SORCS2: variants seen among roughly 807,000 people sequenced by gnomAD.
SORCS2 encodes sortilin related VPS10 domain containing receptor 2.
Under a neutral mutation model 141.6 loss-of-function variants are expected in SORCS2, and 100 were observed. That is an observed-to-expected ratio of 0.71 (90% CI 0.60 to 0.83). The LOEUF (loss-of-function observed/expected upper bound fraction) is 0.83, where lower values mean the gene tolerates loss of function less well. SORCS2 is among the 40% of genes least tolerant of loss of function. The pLI is 0.00. For missense variants in SORCS2, 1,646 were observed against 1,560.2 expected, an observed-to-expected ratio of 1.05 and a Z score of -0.93; for synonymous variants, 789 against 676.9, an observed-to-expected ratio of 1.17 and a Z score of -2.57.
chr4:7,384,113 C>T (rs994595045), intron 1 of SORCS2, among the ~76,000 whole-genome samples: 1 of 152,182 alleles, frequency 6.6e-6, no homozygotes, highest in Admixed American at 6.5e-5. Flanking sequence ...CTTCTTCCTC[C>T]CACAGTCCCT....
intron 3 of SORCS2, among the ~76,000 whole-genome samples, chr4:7,584,389 TA>T (rs1209486725): frequency 6.6e-6 from 1 of 152,114 alleles, no homozygotes; most frequent in Non-Finnish European, 1.5e-5. Context: ...AGAGTACATT[TA>T]AGAAAAAGTT....
intron 18 of SORCS2, among the ~76,000 whole-genome samples, chr4:7,719,451 G>T (rs1726425441): frequency 6.6e-6 from 1 of 152,220 alleles, no homozygotes; most frequent in Non-Finnish European, 1.5e-5. Flanking sequence ...AGGCCACACG[G>T]GAATGAGTGG....
Position 7,252,093 on chromosome 4 carries a change from T to G in SORCS2, c.480+58967T>G, listed in dbSNP as rs543987152. On this transcript the variant is annotated intron_variant, in intron 1 of 26. Coordinates refer to ENST00000507866, the MANE Select transcript of SORCS2 (RefSeq NM_020777.3). ...TCACTCAACTCCCTGACCCCTGCAG[T>G]ACCACCCTCAGCAGTGAGCCCCTCA... Among the ~76,000 whole-genome samples the G allele has an allele frequency of 2.0e-5, 3 of 152,326 alleles. No homozygotes were observed. In the East Asian group the frequency reaches 5.8e-4, roughly 29 times the overall value.
chr4:7,340,413 A>G (rs73208501), intron 1 of SORCS2, among the ~76,000 whole-genome samples: 24,449 of 152,256 alleles, frequency 0.16, 2,186 homozygotes, highest in Non-Finnish European at 0.2. Flanking sequence ...TCACCATAGC[A>G]GGGCAGAGCC....
intron 2 of SORCS2, among the ~76,000 whole-genome samples, chr4:7,410,025 A>G (rs995592055): frequency 9.2e-5 from 14 of 152,230 alleles, no homozygotes; most frequent in Non-Finnish European, 1.6e-4. Flanking sequence ...ACGCTCACTG[A>G]TATAAAGAAG....
chr4:7,574,297 C>T (rs13144333), intron 3 of SORCS2, among the ~76,000 whole-genome samples: 40,248 of 152,128 alleles, frequency 0.26, 5,508 homozygotes, highest in Non-Finnish European at 0.31. Context: ...GACTGGCTTC[C>T]CCTGTCACAG....
At chr4:7,692,461 C>T (rs538181876) in intron 11 of SORCS2, among the ~76,000 whole-genome samples, 1 of 152,240 alleles carries the variant, frequency 6.6e-6, no homozygotes, top group African/African-American at 2.4e-5. Flanking sequence ...AAAACCTCCA[C>T]TGTAAGGATG....
rs1458389704 is a variant in SORCS2, at chr4:7,194,601, G to A, written c.480+1475G>A. On this transcript the variant is annotated intron_variant, in intron 1 of 26. Coordinates refer to ENST00000507866, the MANE Select transcript of SORCS2 (RefSeq NM_020777.3). ...AGAGCTGGCTCCCTGGGTGCAGTGG[G>A]CCAGCAGGGGGCAGTCAGGGTGCCG... Among the ~76,000 whole-genome samples the A allele has an allele frequency of 3.3e-5, 5 of 152,098 alleles. No individual in the cohort carries two copies. In the East Asian group the frequency reaches 9.7e-4, roughly 29 times the overall value.
At position 7,697,236 on chromosome 4, in the gene SORCS2, A is replaced by T. The variant is rs1251160648; in HGVS notation, c.1630A>T (p.Met544Leu). Reference protein sequence around the residue: ...GSQLVEYKEEMYITSDCGHTW... With the variant: ...GSQLVEYKEELYITSDCGHTW... ...ACAGCTGGTGGAATATAAAGAAGAA[A>T]TGTACATCACGTCAGACTGTGGTCA... is the stretch of plus-strand genomic sequence containing the variant. The change falls in exon 12 of 27, where the codon ATG (methionine) becomes TTG (leucine). Residue 544 changes from methionine (M) to leucine (L), a missense_variant. Transcript: ENST00000507866. The T allele has an allele frequency of 8.8e-6, 14 of 1,591,788 alleles. No individual in the cohort carries two copies. The South Asian group carries it at 1.5e-4, about 17-fold the overall frequency.
intron 1 of SORCS2, among the ~76,000 whole-genome samples, chr4:7,354,260 C>A (rs1721118072): frequency 6.6e-6 from 1 of 152,298 alleles, no homozygotes; most frequent in Admixed American, 6.5e-5. Flanking sequence ...GACACACTCA[C>A]CTCAATGTGA....
At chr4:7,587,771 C>G (rs973336224) in intron 3 of SORCS2, among the ~76,000 whole-genome samples, 2 of 152,212 alleles carry the variant, frequency 1.3e-5, no homozygotes, top group Admixed American at 6.5e-5. Context: ...TGTTTGCCCC[C>G]TCTTTCCAGC....
chr4:7,403,112 T>A (rs1164683543), intron 2 of SORCS2, among the ~76,000 whole-genome samples: 2 of 152,182 alleles, frequency 1.3e-5, no homozygotes, highest in African/African-American at 4.8e-5. Flanking sequence ...ATTGTTAGAA[T>A]AGCAATTCTG....
chr4:7,357,050 G>T (rs751279151), intron 1 of SORCS2, among the ~76,000 whole-genome samples: 1 of 152,168 alleles, frequency 6.6e-6, no homozygotes, highest in East Asian at 1.9e-4. Flanking sequence ...GGAGGGGCTG[G>T]AGCTGGACTT....
At chr4:7,720,046 TACAC>T (rs1206560016) in intron 18 of SORCS2, among the ~76,000 whole-genome samples, 3 of 152,010 alleles carry the variant, frequency 2.0e-5, no homozygotes, top group Non-Finnish European at 2.9e-5. Context: ...CGCTCACACA[TACAC>T]ACAAACACAC....
In SORCS2 at chr4:7,723,820, G is replaced by C. The variant is rs370469470; in HGVS notation, c.2548G>C (p.Val850Leu). 6.2e-7 allele frequency: 1 copy of C among 1,613,410 alleles called. No individual in the cohort carries two copies. The stretch of plus-strand genomic sequence containing the variant: ...CTACGAGAGCCCCGGCATCTACCGC[G>C]TGTCCGTCAGGGCAGAGAACACGGC... ...HRYESPGIYR[V>L]SVRAENTAGH... is the part of the protein sequence containing the mutation. The change falls in exon 19 of 27, where the codon GTG (valine) becomes CTG (leucine). Residue 850 changes from valine (V) to leucine (L), a missense_variant. Physicochemically the swap from Val to Leu is conservative, Grantham distance 32. Coordinates refer to ENST00000507866, the MANE Select transcript of SORCS2 (RefSeq NM_020777.3).
chr4:7,387,676 A>T (rs1192438281), intron 1 of SORCS2, among the ~76,000 whole-genome samples: 2 of 146,878 alleles, frequency 1.4e-5, no homozygotes, highest in East Asian at 4.1e-4. Flanking sequence ...ATGCACACAC[A>T]TACAGGTACA....
intron 2 of SORCS2, chr4:7,434,840 C>T (rs754058823): frequency 7.5e-6 from 12 of 1,590,744 alleles, no homozygotes; most frequent in Non-Finnish European, 1.0e-5. Flanking sequence ...GCCCTGGTGG[C>T]CCCCAGGAGG....
chr4:7,447,626 A>G (rs540186966), intron 2 of SORCS2, among the ~76,000 whole-genome samples: 1 of 152,074 alleles, frequency 6.6e-6, no homozygotes, highest in Admixed American at 6.6e-5. Context: ...CCATCCATGC[A>G]TTGGGACTGT....
chr4:7,367,819 C>T (rs1234940802), intron 1 of SORCS2, among the ~76,000 whole-genome samples: 7 of 152,308 alleles, frequency 4.6e-5, no homozygotes, highest in East Asian at 1.9e-4. Flanking sequence ...GAATGTTCTC[C>T]GAGTGTAAAG....
Sources: allele counts gnomAD v4.1 joint callset (sites outside exome capture counted in the v4.1 genomes callset), GRCh38; gene constraint gnomAD v4.1.1; transcripts MANE v1.5; gene names NCBI Gene and HGNC (gene_info 2026-07-23, HGNC 2026-07-21).